The following RTL9 variants were observed in gnomAD, a reference collection of about 807,000 sequenced individuals.
The protein encoded by RTL9 is retrotransposon Gag-like protein 9.
RTL9 carries 19 observed loss-of-function variants against 44.7 expected under a neutral mutation model. The ratio of observed to expected loss-of-function variants is 0.42; its 90% CI spans 0.30 to 0.62. RTL9 has a LOEUF of 0.62. RTL9 is among the 20% of genes least tolerant of loss of function. The probability of loss-of-function intolerance (pLI) is 0.16; values close to 1 mark genes in which losing one functional copy is unlikely to be tolerated. For missense variants in RTL9, 1,105 were observed against 1,080.6 expected (o/e 1.02, Z -0.32); for synonymous variants, 407 against 398.9 (o/e 1.02, Z -0.24).
intron 1 of RTL9, among the ~76,000 whole-genome samples, chrX:110,369,204 C>T (rs766857919): frequency 1.3e-4 from 14 of 110,912 alleles, no homozygotes; most frequent in African/African-American, 4.6e-4. Flanking sequence ...TGGTGGCACG[C>T]TCCTGTGGTC....
chrX:110,439,366 G>A (rs2068863107), intron 1 of RTL9, among the ~76,000 whole-genome samples: 1 of 112,346 alleles, frequency 8.9e-6, no homozygotes, highest in Non-Finnish European at 1.9e-5. Context: ...CATTGTGGCA[G>A]CATTTCTAAC....
intron 1 of RTL9, among the ~76,000 whole-genome samples, chrX:110,437,436 G>A (rs2068846989): frequency 8.9e-6 from 1 of 112,070 alleles, no homozygotes; most frequent in African/African-American, 3.2e-5. Flanking sequence ...TTTTACAGAT[G>A]AGGTTTAGAT....
intron 1 of RTL9, among the ~76,000 whole-genome samples, chrX:110,392,724 A>G (rs1168462295): frequency 8.9e-6 from 1 of 112,293 alleles, no homozygotes; most frequent in East Asian, 2.8e-4. Context: ...GGGTTACAGC[A>G]AAGTGCTGTA....
At chrX:110,427,618 G>A (rs924172805) in intron 1 of RTL9, among the ~76,000 whole-genome samples, 9 of 111,761 alleles carry the variant, frequency 8.1e-5, no homozygotes, top group African/African-American at 2.6e-4. Flanking sequence ...TTCTAGGGGT[G>A]GGATCCAGTC....
rs1263904376 is a variant in RTL9, at chrX:110,377,996, G to A, written c.-168+19080G>A. On this transcript the variant is annotated intron_variant, in intron 1 of 2. Transcript: ENST00000520821. ...TGCACTCCAGCCTGGGCGACAGAGC[G>A]AGACTCCGTCTCAAAAAAAAAAAAA... 1.2e-4 allele frequency among the ~76,000 whole-genome samples: 9 copies of A among 77,960 alleles called. No individual in the cohort carries two copies. In the East Asian group the frequency reaches 2.7e-3, roughly 23 times the overall value. The allele number at this position is 77,960 out of a possible 115,157, so 67.7% of individuals were successfully genotyped here.
exon 2 of RTL9, chrX:110,455,298 C>A (rs779580234): frequency 5.0e-6 from 6 of 1,209,888 alleles, no homozygotes; most frequent in Non-Finnish European, 3.4e-6. Context: ...AGGCCATCAT[C>A]AGAAGGCCCA....
chrX:110,389,777 G>A (rs2068482364), intron 1 of RTL9, among the ~76,000 whole-genome samples: 1 of 110,218 alleles, frequency 9.1e-6, no homozygotes. Flanking sequence ...AGGAAAGGCG[G>A]GGCAGGGAGG....
chrX:110,383,675 G>A (rs1041929491), intron 1 of RTL9, among the ~76,000 whole-genome samples: 8 of 111,455 alleles, frequency 7.2e-5, no homozygotes, highest in Admixed American at 1.9e-4. Context: ...TTCTTATCTC[G>A]CCAGTAAATT....
chrX:110,430,039 G>T (rs776264480), intron 1 of RTL9, among the ~76,000 whole-genome samples: 2 of 111,953 alleles, frequency 1.8e-5, no homozygotes, highest in Non-Finnish European at 3.8e-5. Flanking sequence ...TTCTTCCAGG[G>T]AGGATTTGTG....
At chrX:110,374,835 T>G (rs1160923857) in intron 1 of RTL9, among the ~76,000 whole-genome samples, 2 of 109,570 alleles carry the variant, frequency 1.8e-5, no homozygotes, top group African/African-American at 6.7e-5. Flanking sequence ...AGTAAAGAGA[T>G]AAGGTTCAAG....
exon 2 of RTL9, chrX:110,455,531 G>T (rs2073785): frequency 0.4 from 159,908 of 404,213 alleles, 26,603 homozygotes; most frequent in African/African-American, 0.76. Flanking sequence ...AATCAGAGTA[G>T]GGACTACAAG....
At chrX:110,429,470 TTTTGTTTTGTTTTTTTG>T (rs1411789132) in intron 1 of RTL9, among the ~76,000 whole-genome samples, 1 of 79,428 alleles carries the variant, frequency 1.3e-5, no homozygotes, top group Admixed American at 1.1e-4. Context: ...TTTTTTTTTT[TTTTGTTTTGTTTTTTTG>T]GTTTTTTTGT....
Position 110,453,277 on chromosome X carries a change from T to C in RTL9, c.2660T>C (p.Leu887Pro), listed in dbSNP as rs752911961. ...ACAGCTTCTGGAGACATGTGCACAC[T>C]ACCAGTGCGAGCCCCAGCCTCTGGA... Residue 887 changes from leucine to proline, a missense_variant, in exon 1 of 2, where the codon CTA becomes CCA. Leu to Pro is a moderately conservative substitution (Grantham distance 98). Transcript: ENST00000540313. 5 of 1,209,974 alleles carry C rather than the reference T, an allele frequency of 4.1e-6. No homozygotes were observed. In the South Asian group the frequency reaches 8.8e-5, roughly 21 times the overall value.
At chrX:110,449,285 C>T (rs953877188), upstream of RTL9, among the ~76,000 whole-genome samples, 16 of 112,147 alleles carry the variant, frequency 1.4e-4, no homozygotes, top group Non-Finnish European at 1.7e-4. Context: ...ATGGGAACCA[C>T]ATGAGATGAT....
chrX:110,412,848 G>C lies in RTL9; in HGVS notation c.-167-32305G>C, dbSNP rs1332702067. Among the ~76,000 whole-genome samples, 4 of 112,338 alleles carry C rather than the reference G, an allele frequency of 3.6e-5. No individual in the cohort carries two copies. In the Admixed American group the frequency reaches 3.7e-4, roughly 11 times the overall value. On this transcript the variant is annotated intron_variant, in intron 1 of 2. Coordinates refer to the RTL9 transcript ENST00000520821. The stretch of plus-strand genomic sequence containing the variant: ...TATGTTACACATACAGGAAAAGACT[G>C]GAAGGATAGACAGACTGTCAACACT...
intron 1 of RTL9, among the ~76,000 whole-genome samples, chrX:110,408,121 G>A (rs73251804): frequency 0.022 from 2,440 of 112,812 alleles, 37 homozygotes; most frequent in Non-Finnish European, 0.032. Flanking sequence ...GAAGCACTTG[G>A]CTTTGGTGAA....
intron 1 of RTL9, among the ~76,000 whole-genome samples, chrX:110,363,919 CAG>C (rs1171430775): frequency 8.9e-6 from 1 of 111,893 alleles, no homozygotes; most frequent in Non-Finnish European, 1.9e-5. Context: ...AACTGAGGCT[CAG>C]AGAGGTTATG....
intron 1 of RTL9, among the ~76,000 whole-genome samples, chrX:110,377,485 A>G (rs1349245658): frequency 1.8e-5 from 2 of 111,775 alleles, no homozygotes; most frequent in Non-Finnish European, 3.8e-5. Flanking sequence ...TTCTTTTAAT[A>G]ATAAAAAGCA....
At chrX:110,455,453 C>A in exon 2 of RTL9, 1 of 768,420 alleles carries the variant, frequency 1.3e-6, no homozygotes, top group Non-Finnish European at 1.9e-6. Flanking sequence ...CCAGGCACAT[C>A]CCACCTTACC....
Sources: gnomAD v4.1 joint callset for allele counts (sites outside exome capture counted in the v4.1 genomes callset) on GRCh38, gnomAD v4.1.1 for gene constraint, MANE v1.5 for transcripts, NCBI Gene and HGNC (gene_info 2026-07-23, HGNC 2026-07-21) for gene names.